The following PIEZO2 variants were observed in gnomAD, a reference collection of about 807,000 sequenced individuals.
PIEZO2 encodes the protein piezo-type mechanosensitive ion channel component 2.
PIEZO2 carries 172 observed loss-of-function variants against 337.3 expected under a neutral mutation model. The observed-to-expected ratio is 0.51, with a 90% confidence interval of 0.45 to 0.58. The LOEUF (loss-of-function observed/expected upper bound fraction) is 0.58. Ranked by LOEUF, PIEZO2 falls within the 20% of genes least tolerant of loss-of-function variation. The pLI, the probability that PIEZO2 is intolerant of heterozygous loss-of-function variation, is 0.00. For synonymous variants in PIEZO2, 1,251 were observed against 1,228.5 expected (o/e 1.02, Z -0.38); for missense variants, 3,028 against 3,391.3 (o/e 0.89, Z 2.66).
Position 10,801,442 on chromosome 18 carries a change from T to A in PIEZO2, c.1201-14A>T. ...CATGGATAAAAGCTGCAAAAAGCAA[T>A]GCGGGAAAGCATGTTAGTAAGGAAG... On this transcript the variant is annotated splice_polypyrimidine_tract_variant and intron_variant, in intron 9 of 55. Coordinates refer to ENST00000674853, the MANE Select transcript of PIEZO2 (RefSeq NM_001378183.1). 6.7e-7 allele frequency: 1 copy of A among 1,500,262 alleles called. No homozygotes were observed. Among genetic ancestry groups the A allele is most frequent in the Non-Finnish European group, 9.0e-7 (1 of 1,113,004 alleles). The allele number at this position is 1,500,262 out of a possible 1,614,324, so 92.9% of individuals were successfully genotyped here.
intron 30 of PIEZO2, among the ~76,000 whole-genome samples, chr18:10,747,329 A>G (rs190207192): frequency 2.0e-5 from 3 of 152,338 alleles, no homozygotes; most frequent in Admixed American, 2.0e-4. Flanking sequence ...TAGCAGCCTG[A>G]GGAAGATTGT....
intron 2 of PIEZO2, among the ~76,000 whole-genome samples, chr18:11,055,008 A>G (rs1015522396): frequency 6.6e-5 from 10 of 152,058 alleles, no homozygotes; most frequent in Admixed American, 2.6e-4. Flanking sequence ...TCAGGAGATC[A>G]AGACTATCCT....
At chr18:10,796,913 C>G (rs1251583634) in intron 12 of PIEZO2, among the ~76,000 whole-genome samples, 1 of 152,164 alleles carries the variant, frequency 6.6e-6, no homozygotes, top group Non-Finnish European at 1.5e-5. Flanking sequence ...TCATATCTTA[C>G]ATACCATCAT....
rs1346369344 is a variant in PIEZO2 at position 10,973,694 on chromosome 18, G to A, written c.286+5841C>T. Among the ~76,000 whole-genome samples, 1 of 152,178 alleles carries A rather than the reference G, an allele frequency of 6.6e-6. No homozygotes were observed. The highest frequency in any genetic ancestry group is 2.4e-5 in the African/African-American group (1 of 41,454). On this transcript the variant is annotated intron_variant, in intron 3 of 55. Transcript: ENST00000674853. This position sits in a 1 kb window ranked among gnomAD's most constrained non-coding sequence, Gnocchi z 4.9. ...AGAAGGCTGTGTGTTGTGCCTGAAT[G>A]AGTTAGGGAATGGAAAGAGAAGGGG...
In PIEZO2 at chr18:11,096,650, C is replaced by G. The variant is rs1206309868; in HGVS notation, c.65-30428G>C. 6.6e-6 allele frequency among the ~76,000 whole-genome samples: 1 copy of G among 152,162 alleles called. No homozygotes were observed. The highest frequency in any genetic ancestry group is 2.1e-4 in the South Asian group (1 of 4,824). On this transcript the variant is annotated intron_variant, in intron 1 of 55. Coordinates refer to ENST00000674853, the MANE Select transcript of PIEZO2 (RefSeq NM_001378183.1). The surrounding 1 kb of genome is among the most constrained non-coding windows in gnomAD (Gnocchi z 4.6). ...TCCTGCCCTTCACCCTCATCTCCCCCACCCAACACACACACGTATCTACCT... is the reference window on the plus strand; with the variant it reads ...TCCTGCCCTTCACCCTCATCTCCCCGACCCAACACACACACGTATCTACCT...
chr18:10,863,981 C>T lies in PIEZO2; in HGVS notation c.493-6770G>A, dbSNP rs1422066625. 6.6e-6 allele frequency among the ~76,000 whole-genome samples: 1 copy of T among 152,120 alleles called. No individual in the cohort carries two copies. The highest frequency in any genetic ancestry group is 2.4e-5 in the African/African-American group (1 of 41,408). ...TAGGAACCAGCTAAGTGTAGCTGTT[C>T]TAAATGATTCACCCTGGTATTCACT... On this transcript the variant is annotated intron_variant, in intron 5 of 55. Transcript: ENST00000674853. The surrounding 1 kb of genome is among the most constrained non-coding windows in gnomAD (Gnocchi z 4.3).
At chr18:11,018,278 A>C (rs1161222139) in intron 2 of PIEZO2, among the ~76,000 whole-genome samples, 1 of 148,992 alleles carries the variant, frequency 6.7e-6, no homozygotes, top group South Asian at 2.1e-4. Context: ...TATTGAATTA[A>C]TGGCCCACAC....
Position 10,682,255 on chromosome 18 carries a change from A to G in PIEZO2, c.7535T>C (p.Val2512Ala), listed in dbSNP as rs2034298462. ...PQPRGQKKKK[V>A]VKYGMGGMII... ...CATTCCTCCCATGCCATACTTCACC[A>G]CTTTCTTCTTCTTCTGGCCCCGTGG... Residue 2512 changes from valine to alanine, a missense_variant, in exon 50 of 56, where the codon GTG becomes GCG. Val to Ala is a moderately conservative substitution (Grantham distance 64). Around this residue, in one of 5 missense-constraint regions of PIEZO2, gnomAD observed 179 missense variants for 281.8 expected, o/e 0.64. Coordinates refer to ENST00000674853, the MANE Select transcript of PIEZO2 (RefSeq NM_001378183.1). The surrounding 1 kb of genome is among the most constrained non-coding windows in gnomAD (Gnocchi z 5.6). 1 of 1,537,144 alleles carries G rather than the reference A, an allele frequency of 6.5e-7. No homozygotes were observed. The highest frequency in any genetic ancestry group is 1.2e-5 in the South Asian group (1 of 84,058).
chr18:10,936,897 G>A (rs1030237782), intron 3 of PIEZO2, among the ~76,000 whole-genome samples: 3 of 152,156 alleles, frequency 2.0e-5, no homozygotes, highest in Non-Finnish European at 2.9e-5. Context: ...TCAGGGCATT[G>A]TGCTAGAGCC....
rs755233939 is a variant in PIEZO2, at chr18:10,850,572, C to A, written c.917+4781G>T. ...GAGAACAAAAATGAGAAATCATCTA[C>A]GTGGTTAAAACTCAGGGGTTGACTA... On this transcript the variant is annotated intron_variant, in intron 7 of 55. Transcript: ENST00000674853. This position sits in a 1 kb window ranked among gnomAD's most constrained non-coding sequence, Gnocchi z 4.5. Among the ~76,000 whole-genome samples, 48 of 152,266 alleles carry A rather than the reference C, an allele frequency of 3.2e-4. No individual in the cohort carries two copies. Among genetic ancestry groups the A allele is most frequent in the African/African-American group, 1.1e-3 (45 of 41,562 alleles).
Position 10,781,285 on chromosome 18 carries a change from AT to A in PIEZO2, c.2493-920del, listed in dbSNP as rs2038972874. Among the ~76,000 whole-genome samples, 1 of 151,996 alleles carries A rather than the reference AT, an allele frequency of 6.6e-6. No homozygotes were observed. Among genetic ancestry groups the A allele is most frequent in the Non-Finnish European group, 1.5e-5 (1 of 67,990 alleles). Reference sequence around the variant, plus strand: ...AGAGTTCGATACCAGCCTGGCCAATATGGTGAAACCCCCGTCTCTATTAAAA... The same window carrying A: ...AGAGTTCGATACCAGCCTGGCCAATAGGTGAAACCCCCGTCTCTATTAAAA... On this transcript the variant is annotated intron_variant, in intron 17 of 55. Coordinates refer to ENST00000674853, the MANE Select transcript of PIEZO2 (RefSeq NM_001378183.1). This position sits in a 1 kb window ranked among gnomAD's most constrained non-coding sequence, Gnocchi z 4.1.
In PIEZO2 at chr18:10,744,169, T is replaced by C. The variant is rs375685494; in HGVS notation, c.4487A>G (p.Lys1496Arg). The change falls in exon 31 of 56, where the codon AAG (lysine) becomes AGG (arginine). Residue 1496 changes from lysine (K) to arginine (R), a missense_variant. Around this residue, in one of 5 missense-constraint regions of PIEZO2, gnomAD observed 1,925 missense variants for 2,051.9 expected, o/e 0.94. Transcript: ENST00000674853. Reference sequence around the variant, plus strand: ...TCGCTTCAGCTGGTCCATGGACTTCTTCTCTTCCTCAATTCTTGCCTTTAC... The same window carrying C: ...TCGCTTCAGCTGGTCCATGGACTTCCTCTCTTCCTCAATTCTTGCCTTTAC... Reference protein sequence around the residue: ...KAVKARIEEEKKSMDQLKRQM... With the variant: ...KAVKARIEEERKSMDQLKRQM... The C allele has an allele frequency of 7.4e-5, 114 of 1,536,776 alleles. No individual in the cohort carries two copies. The highest frequency in any genetic ancestry group is 9.2e-5 in the Non-Finnish European group (106 of 1,146,604).
chr18:10,696,333 G>A (rs752505386), intron 46 of PIEZO2, 45 bp from the exon 47 acceptor site: 7 of 1,613,708 alleles, frequency 4.3e-6, no homozygotes, highest in East Asian at 4.5e-5. Context: ...GGCAATTCAT[G>A]GCAGGAAGCG....
In PIEZO2 at chr18:10,883,816, C is replaced by CTTTTTTTTTTTTTT. The variant is rs71169957; in HGVS notation, c.330-12402_330-12401insAAAAAAAAAAAAAA. Among the ~76,000 whole-genome samples, 326 of 122,760 alleles carry CTTTTTTTTTTTTTT rather than the reference C, an allele frequency of 2.7e-3. 17 individuals carry two copies. The highest frequency in any genetic ancestry group is 8.7e-3 in the African/African-American group (258 of 29,748). The allele number at this position is 122,760 out of a possible 152,430, so 80.5% of individuals were successfully genotyped here. Reference sequence around the variant, plus strand: ...TACCCTGTTTCTATGAGTCCTACTTCTTTTTTTTTTTTGAGACAGAGTCTC... The same window carrying CTTTTTTTTTTTTTT: ...TACCCTGTTTCTATGAGTCCTACTTCTTTTTTTTTTTTTTTTTTTTTTTTTTGAGACAGAGTCTC... On this transcript the variant is annotated intron_variant, in intron 4 of 55. Transcript: ENST00000674853.
rs1451385314 is a variant in PIEZO2, at chr18:10,943,047, C to T, written c.287-31819G>A. Among the ~76,000 whole-genome samples, 1 of 152,184 alleles carries T rather than the reference C, an allele frequency of 6.6e-6. No homozygotes were observed. The highest frequency in any genetic ancestry group is 1.5e-5 in the Non-Finnish European group (1 of 68,032). On this transcript the variant is annotated intron_variant, in intron 3 of 55. Coordinates refer to ENST00000674853, the MANE Select transcript of PIEZO2 (RefSeq NM_001378183.1). This position sits in a 1 kb window ranked among gnomAD's most constrained non-coding sequence, Gnocchi z 4.5. Reference sequence around the variant, plus strand: ...AAGAACTGGGGTTTGGGAACCTCCACCTAGATTTCAGAAGATACATGGAAA... The same window carrying T: ...AAGAACTGGGGTTTGGGAACCTCCATCTAGATTTCAGAAGATACATGGAAA...
At chr18:11,114,991 G>C (rs2039845616) in intron 1 of PIEZO2, among the ~76,000 whole-genome samples, 1 of 152,150 alleles carries the variant, frequency 6.6e-6, no homozygotes, top group Non-Finnish European at 1.5e-5. Context: ...TATAAGTAAG[G>C]ACAATGTGAA....
chr18:11,013,241 T>C (rs570803221), intron 2 of PIEZO2, among the ~76,000 whole-genome samples: 6 of 152,090 alleles, frequency 3.9e-5, no homozygotes, highest in African/African-American at 1.2e-4. Context: ...GGTATTTACA[T>C]GAGAAAGAAG....
At chr18:10,921,195 T>G (rs1421030943) in intron 3 of PIEZO2, among the ~76,000 whole-genome samples, 1 of 152,100 alleles carries the variant, frequency 6.6e-6, no homozygotes, top group Non-Finnish European at 1.5e-5. Flanking sequence ...TCAAAAAAGT[T>G]TCAGTGGAAT....
intron 30 of PIEZO2, among the ~76,000 whole-genome samples, chr18:10,745,413 C>T (rs748966386): frequency 3.9e-5 from 6 of 152,208 alleles, no homozygotes; most frequent in Non-Finnish European, 7.3e-5. Context: ...TAGGTACTTA[C>T]ATCACTCCCC....
Sources: allele counts gnomAD v4.1 joint callset (sites outside exome capture counted in the v4.1 genomes callset), GRCh38; gene constraint gnomAD v4.1.1; regional missense constraint gnomAD v4.1.1; non-coding constraint Gnocchi (gnomAD v3.1); transcripts MANE v1.5; gene names NCBI Gene and HGNC (gene_info 2026-07-23, HGNC 2026-07-21).